The following PDSS2 variants were observed in gnomAD, a reference collection of about 807,000 sequenced individuals.
PDSS2 encodes the protein all trans-polyprenyl-diphosphate synthase PDSS2.
Under a neutral mutation model 44.5 loss-of-function variants are expected in PDSS2, and 31 were observed. That is an observed-to-expected ratio of 0.70 (90% CI 0.52 to 0.94). The LOEUF (loss-of-function observed/expected upper bound fraction) is 0.94, where lower values mean the gene tolerates loss of function less well. Ranked by LOEUF, PDSS2 falls within the 40% of genes least tolerant of loss-of-function variation. The pLI, the probability that PDSS2 is intolerant of heterozygous loss-of-function variation, is 0.00. For missense variants in PDSS2, 452 were observed against 482.2 expected, an observed-to-expected ratio of 0.94 and a Z score of 0.59; for synonymous variants, 157 against 180.3, an observed-to-expected ratio of 0.87 and a Z score of 1.03.
rs1011980502 is a variant in PDSS2, at chr6:107,364,551, C to A, written c.297-30219G>T. Among the ~76,000 whole-genome samples, 163 of 151,882 alleles carry A rather than the reference C, an allele frequency of 1.1e-3. 1 individual carries two copies. Among genetic ancestry groups the A allele is most frequent in the African/African-American group, 3.7e-3 (154 of 41,420 alleles). On this transcript the variant is annotated intron_variant, in intron 1 of 7. Transcript: ENST00000369037. ...TGGCTGCTCCGAGTGCGGGGCCCACCAAGCCCACGCCCACCCGGAACTCCA... is the reference window on the plus strand; with the variant it reads ...TGGCTGCTCCGAGTGCGGGGCCCACAAAGCCCACGCCCACCCGGAACTCCA...
chr6:107,274,729 G>C (rs1185509054), intron 2 of PDSS2, among the ~76,000 whole-genome samples: 2 of 148,886 alleles, frequency 1.3e-5, no homozygotes. Flanking sequence ...TTTGAGTGCA[G>C]GGGTGCAATC....
chr6:107,456,914 C>T (rs976736253), intron 1 of PDSS2, among the ~76,000 whole-genome samples: 23 of 152,136 alleles, frequency 1.5e-4, no homozygotes, highest in Admixed American at 3.3e-4. Flanking sequence ...CTGAGGAGTA[C>T]ACATTTAGCT....
intron 1 of PDSS2, among the ~76,000 whole-genome samples, chr6:107,451,391 C>T (rs574557827): frequency 3.3e-5 from 5 of 152,150 alleles, no homozygotes; most frequent in Admixed American, 1.3e-4. Flanking sequence ...TGAAACCCCT[C>T]GTGGCCTTTG....
At chr6:107,177,019 A>T (rs2114426875) in intron 7 of PDSS2, among the ~76,000 whole-genome samples, 1 of 152,132 alleles carries the variant, frequency 6.6e-6, no homozygotes, top group East Asian at 1.9e-4. Flanking sequence ...TCAGGGTATG[A>T]GCAGACATGC....
At chr6:107,225,164 T>A (rs398048348) in intron 4 of PDSS2, among the ~76,000 whole-genome samples, 1,945 of 41,814 alleles carry the variant, frequency 0.047, 75 homozygotes, top group African/African-American at 0.11. Context: ...TATATATATT[T>A]TTTTTTTTTT....
At chr6:107,162,765 C>T (rs111832874) in intron 7 of PDSS2, among the ~76,000 whole-genome samples, 3,396 of 151,732 alleles carry the variant, frequency 0.022, 120 homozygotes, top group African/African-American at 0.076. Flanking sequence ...CCACCACACC[C>T]GACTAATTTA....
chr6:107,245,589 C>T lies in PDSS2; in HGVS notation c.661G>A (p.Asp221Asn), dbSNP rs747327705. ...TCATGATATACTCCTTGTACCAAGTCCATAAGAGCACTTGCTAAAAGTTCC... is the reference window on the plus strand; with the variant it reads ...TCATGATATACTCCTTGTACCAAGTTCATAAGAGCACTTGCTAAAAGTTCC... ...VVELLASALM[D>N]LVQGVYHENS... The change falls in exon 4 of 8, where the codon GAC (aspartate) becomes AAC (asparagine). Residue 221 changes from aspartate (D) to asparagine (N), a missense_variant. Asp to Asn is a conservative substitution (Grantham distance 23, BLOSUM62 1). Transcript: ENST00000369037. 3.1e-6 allele frequency: 5 copies of T among 1,593,656 alleles called. No individual in the cohort carries two copies. In the African/African-American group the frequency reaches 5.4e-5, roughly 17 times the overall value.
At chr6:107,361,031 C>T (rs1451653019) in intron 1 of PDSS2, among the ~76,000 whole-genome samples, 2 of 152,006 alleles carry the variant, frequency 1.3e-5, no homozygotes, top group African/African-American at 2.4e-5. Context: ...GCATTTAATG[C>T]TATAATTTAC....
rs77200501 is a variant in PDSS2 at position 107,235,682 on chromosome 6, T to C, written c.702+9866A>G. Among the ~76,000 whole-genome samples, 1,500 of 151,836 alleles carry C rather than the reference T, an allele frequency of 9.9e-3. 10 individuals carry two copies. The highest frequency in any genetic ancestry group is 0.017 in the Non-Finnish European group (1,121 of 67,924). ...CAAAAATAACCAAGTTGCAAAAAAA[T>C]AGGGAAATACAACCCATAATGAGGG... On this transcript the variant is annotated intron_variant, in intron 4 of 7. Coordinates refer to ENST00000369037, the MANE Select transcript of PDSS2 (RefSeq NM_020381.4).
At chr6:107,230,236 T>C (rs1773996700) in intron 4 of PDSS2, 1 of 148,202 alleles carries the variant, frequency 6.7e-6, no homozygotes, top group Admixed American at 6.7e-5. Context: ...AAAAAGCCAC[T>C]GTAGGTGCTT....
At chr6:107,327,980 G>A (rs549983771) in intron 2 of PDSS2, among the ~76,000 whole-genome samples, 21 of 152,144 alleles carry the variant, frequency 1.4e-4, no homozygotes, top group Admixed American at 1.3e-3. Context: ...AAATGTTTGC[G>A]TCAGTCTAAA....
chr6:107,456,442 A>AT, intron 1 of PDSS2, among the ~76,000 whole-genome samples: 1 of 152,256 alleles, frequency 6.6e-6, no homozygotes, highest in East Asian at 1.9e-4. Context: ...GAAACCATGA[A>AT]TTTTAAAAAG....
At chr6:107,186,476 G>GTT (rs34710642) in intron 7 of PDSS2, among the ~76,000 whole-genome samples, 16 of 150,362 alleles carry the variant, frequency 1.1e-4, no homozygotes, top group South Asian at 4.2e-4. Context: ...TAATTATATA[G>GTT]TTTTTTTTTT....
chr6:107,323,855 A>G (rs573722851), intron 2 of PDSS2, among the ~76,000 whole-genome samples: 1 of 152,210 alleles, frequency 6.6e-6, no homozygotes, highest in African/African-American at 2.4e-5. Context: ...TAACAAAAAC[A>G]ATTTATGCAG....
chr6:107,238,909 T>A (rs78623127), intron 4 of PDSS2, among the ~76,000 whole-genome samples: 1 of 152,078 alleles, frequency 6.6e-6, no homozygotes, highest in Non-Finnish European at 1.5e-5. Flanking sequence ...TTTTTTTTTT[T>A]AAGCAAATAG....
At position 107,154,565 on chromosome 6, in the gene PDSS2, C is replaced by G; in HGVS notation, c.*54G>C. 1 of 1,563,010 alleles carries G rather than the reference C, an allele frequency of 6.4e-7. No homozygotes were observed. The highest frequency in any genetic ancestry group is 8.8e-7 in the Non-Finnish European group (1 of 1,133,888). ...GCATCGTGAAAGCGCTCCCAATCAA[C>G]CTCATTCCCTAGGATTTTCAGCTAA... On this transcript the variant is annotated 3_prime_UTR_variant, in exon 8 of 8. Coordinates refer to ENST00000369037, the MANE Select transcript of PDSS2 (RefSeq NM_020381.4).
chr6:107,196,564 A>G (rs1306661353), intron 6 of PDSS2, among the ~76,000 whole-genome samples: 1 of 152,224 alleles, frequency 6.6e-6, no homozygotes, highest in Non-Finnish European at 1.5e-5. Flanking sequence ...GAATTGCTCA[A>G]GTGCAGCACT....
intron 7 of PDSS2, chr6:107,192,352 CA>C: frequency 3.9e-6 from 2 of 514,420 alleles, no homozygotes; most frequent in Non-Finnish European, 7.9e-6. Context: ...TCTGAGACCC[CA>C]AAAGCTGCAG....
chr6:107,308,407 G>A (rs948871347), intron 2 of PDSS2, among the ~76,000 whole-genome samples: 4 of 152,008 alleles, frequency 2.6e-5, no homozygotes, highest in East Asian at 1.9e-4. Context: ...TTTTATCGAC[G>A]ACTATGTATC....
Sources: gnomAD v4.1 joint callset for allele counts (sites outside exome capture counted in the v4.1 genomes callset) on GRCh38, gnomAD v4.1.1 for gene constraint, MANE v1.5 for transcripts, NCBI Gene and HGNC (gene_info 2026-07-23, HGNC 2026-07-21) for gene names.